TRAF1: variants seen among roughly 807,000 people sequenced by gnomAD.
TRAF1 encodes the protein TNF receptor associated factor 1, also known as TNF receptor-associated factor 1.
Under a neutral mutation model 40.9 loss-of-function variants are expected in TRAF1, and 23 were observed. The ratio of observed to expected loss-of-function variants is 0.56; its 90% CI spans 0.40 to 0.80. The LOEUF (loss-of-function observed/expected upper bound fraction) is 0.80, where lower values mean the gene tolerates loss of function less well. Ranked by LOEUF, TRAF1 falls within the 30% of genes least tolerant of loss-of-function variation. The pLI, the probability that TRAF1 is intolerant of heterozygous loss-of-function variation, is 0.00. For missense variants in TRAF1, 477 were observed against 528.7 expected (o/e 0.90, Z 0.96); for synonymous variants, 206 against 218.8 (o/e 0.94, Z 0.52).
chr9:120,905,715 G>A (rs1346310801), intron 7 of TRAF1, among the ~76,000 whole-genome samples: 8 of 152,346 alleles, frequency 5.3e-5, no homozygotes, highest in South Asian at 2.1e-4. Flanking sequence ...GGCTGTCATC[G>A]ATGTCCTGAG....
chr9:120,923,470 T>C (rs2046618059), intron 3 of TRAF1, among the ~76,000 whole-genome samples: 1 of 152,210 alleles, frequency 6.6e-6, no homozygotes, highest in Admixed American at 6.5e-5. Context: ...AACCGTAGTT[T>C]GTGGACCCCT....
Position 120,914,144 on chromosome 9 carries a change from T to C in TRAF1, c.294+91A>G, listed in dbSNP as rs185635116. The C allele has an allele frequency of 7.9e-6, 9 of 1,140,138 alleles. No individual in the cohort carries two copies. In the African/African-American group the frequency reaches 9.3e-5, roughly 12 times the overall value. 70.6% of individuals were successfully genotyped at this position (1,140,138 alleles called of 1,614,324 possible). A position where few individuals can be genotyped will look rare whatever the true frequency, so the allele number is the denominator to read the frequency against. On this transcript the variant is annotated intron_variant, in intron 4 of 7. Coordinates refer to ENST00000373887, the MANE Select transcript of TRAF1 (RefSeq NM_005658.5). Reference sequence around the variant, plus strand: ...GACATCCAGATGAGTGGACTGATGTTACGGGAAAATCATGGAGGGGCTGCA... The same window carrying C: ...GACATCCAGATGAGTGGACTGATGTCACGGGAAAATCATGGAGGGGCTGCA...
At chr9:120,913,168 TC>T in intron 5 of TRAF1, among the ~76,000 whole-genome samples, 159 bp downstream of exon 5, 1 of 152,094 alleles carries the variant, frequency 6.6e-6, no homozygotes. Flanking sequence ...AGCTTCTAAC[TC>T]AGCGCTCTTC....
intron 7 of TRAF1, 54 bp from the exon 8 acceptor site, chr9:120,905,292 G>C: frequency 6.5e-7 from 1 of 1,536,684 alleles, no homozygotes; most frequent in Non-Finnish European, 8.8e-7. Flanking sequence ...GCGCAGCTTG[G>C]AGGCCCAGGC....
upstream of TRAF1, chr9:120,928,493 C>T (rs577579548): frequency 1.3e-5 from 2 of 152,766 alleles, no homozygotes; most frequent in South Asian, 4.1e-4. Flanking sequence ...CTTCCTTTCC[C>T]CGGCTTCCCG....
intron 5 of TRAF1, among the ~76,000 whole-genome samples, chr9:120,913,015 A>G (rs139419597): frequency 6.6e-6 from 1 of 152,272 alleles, no homozygotes; most frequent in Non-Finnish European, 1.5e-5. Context: ...AGACAGGCTG[A>G]TTTTAGCTTA....
Position 120,923,295 on chromosome 9 carries a change from C to T in TRAF1, c.228+410G>A, listed in dbSNP as rs1241018075. Among the ~76,000 whole-genome samples, 6 of 152,314 alleles carry T rather than the reference C, an allele frequency of 3.9e-5. No homozygotes were observed. The South Asian group carries it at 8.3e-4, about 21-fold the overall frequency. On this transcript the variant is annotated intron_variant, in intron 3 of 7. Coordinates refer to ENST00000373887, the MANE Select transcript of TRAF1 (RefSeq NM_005658.5). ...AGACAAGCAAGCTGTGGCTTGAGAACATTAGCAGTGCAGCAGGCCACACAG... is the reference window on the plus strand; with the variant it reads ...AGACAAGCAAGCTGTGGCTTGAGAATATTAGCAGTGCAGCAGGCCACACAG...
At chr9:120,923,898 TGTA>T (rs1461513683) in intron 2 of TRAF1, 106 bp from the exon 3 acceptor site, 1 of 1,005,738 alleles carries the variant, frequency 9.9e-7, no homozygotes, top group Non-Finnish European at 1.6e-6. Flanking sequence ...GTGGTGATCA[TGTA>T]CGTCCACAAT....
rs2046478514 is a variant in TRAF1 at position 120,906,002 on chromosome 9, G to GA, written c.1033-765_1033-764insT. Among the ~76,000 whole-genome samples, 2 of 149,990 alleles carry GA rather than the reference G, an allele frequency of 1.3e-5. 1 individual carries two copies. The highest frequency in any genetic ancestry group is 4.2e-4 in the South Asian group (2 of 4,750). On this transcript the variant is annotated intron_variant, in intron 7 of 7. Coordinates refer to ENST00000373887, the MANE Select transcript of TRAF1 (RefSeq NM_005658.5). ...CCCCAGCACCTTTGGGAACTGCCGG[G>GA]GGTAGGAGAACCTACTGACTCACAT...
At chr9:120,913,770 C>G in intron 4 of TRAF1, 32 bp from the exon 5 acceptor site, 2 of 1,526,552 alleles carry the variant, frequency 1.3e-6, no homozygotes, top group Non-Finnish European at 1.8e-6. Context: ...TCAGTGAAAA[C>G]AGAGGTGGAG....
chr9:120,921,918 G>A (rs928844333), intron 3 of TRAF1, among the ~76,000 whole-genome samples: 2 of 152,148 alleles, frequency 1.3e-5, no homozygotes, highest in African/African-American at 2.4e-5. Context: ...CTGCTATCAC[G>A]GTCTGGACAT....
At position 120,926,131 on chromosome 9, in the gene TRAF1, C is replaced by T; in HGVS notation, c.-56G>A. ...TTTAAGTTGCTCCAGGGCAGGGGAC[C>T]AGCCTTGTGGAGTCCTGGCCTGGGC... On this transcript the variant is annotated 5_prime_UTR_variant, in exon 2 of 8. Transcript: ENST00000373887. The T allele has an allele frequency of 6.7e-7, 1 of 1,485,928 alleles. No homozygotes were observed. Among genetic ancestry groups the T allele is most frequent in the Non-Finnish European group, 8.9e-7 (1 of 1,119,562 alleles). 92.0% of individuals were successfully genotyped at this position (1,485,928 alleles called of 1,614,324 possible). A position where few individuals can be genotyped will look rare whatever the true frequency, so the allele number is the denominator to read the frequency against.
intron 2 of TRAF1, among the ~76,000 whole-genome samples, chr9:120,924,359 G>A (rs2046624527): frequency 6.6e-6 from 1 of 152,154 alleles, no homozygotes; most frequent in Non-Finnish European, 1.5e-5. Flanking sequence ...TCAGGAATGG[G>A]TGTCAGATTC....
chr9:120,904,659 G>A lies in TRAF1; in HGVS notation c.*361C>T, dbSNP rs563175281. 3.7e-6 allele frequency: 1 copy of A among 269,562 alleles called. No homozygotes were observed. The highest frequency in any genetic ancestry group is 7.2e-6 in the Non-Finnish European group (1 of 138,082). The allele number at this position is 269,562 out of a possible 1,614,324, so 16.7% of individuals were successfully genotyped here. ...GGCCCTGCAGAGATCTTCCTAGCCCGAGAGCTTCTCTGCTTGGGTCCTACG... is the reference window on the plus strand; with the variant it reads ...GGCCCTGCAGAGATCTTCCTAGCCCAAGAGCTTCTCTGCTTGGGTCCTACG... On this transcript the variant is annotated 3_prime_UTR_variant, in exon 8 of 8. Transcript: ENST00000373887.
chr9:120,916,052 C>T (rs1175146978), intron 3 of TRAF1, among the ~76,000 whole-genome samples: 1 of 152,090 alleles, frequency 6.6e-6, no homozygotes, highest in African/African-American at 2.4e-5. Context: ...TTCAAAGCAA[C>T]CCAAATGTGT....
At chr9:120,915,344 T>C (rs748270158) in intron 3 of TRAF1, among the ~76,000 whole-genome samples, 1 of 150,618 alleles carries the variant, frequency 6.6e-6, no homozygotes, top group Non-Finnish European at 1.5e-5. Context: ...ACACTGTAAG[T>C]ACGTGTGTAT....
chr9:120,923,560 T>C, intron 3 of TRAF1, 145 bp downstream of exon 3: 1 of 725,726 alleles, frequency 1.4e-6, no homozygotes, highest in South Asian at 1.6e-5. Flanking sequence ...ATCAGTCTCC[T>C]TATTCCTTAT....
chr9:120,922,646 C>T (rs1394832253), intron 3 of TRAF1, among the ~76,000 whole-genome samples: 5 of 152,056 alleles, frequency 3.3e-5, no homozygotes, highest in Admixed American at 1.3e-4. Context: ...CTAGAAGCAC[C>T]GTTTGACAGA....
chr9:120,916,684 C>A (rs1338844285), intron 3 of TRAF1, among the ~76,000 whole-genome samples: 3 of 151,550 alleles, frequency 2.0e-5, no homozygotes, highest in African/African-American at 7.3e-5. Context: ...CCACCCTGCC[C>A]CCACCCCCAC....
Sources: allele counts gnomAD v4.1 joint callset (sites outside exome capture counted in the v4.1 genomes callset), GRCh38; gene constraint gnomAD v4.1.1; transcripts MANE v1.5; gene names NCBI Gene and HGNC (gene_info 2026-07-23, HGNC 2026-07-21).